Variants in KPNA3 observed in about 807,000 individuals in gnomAD.
KPNA3 encodes the protein karyopherin subunit alpha 3, also known as importin subunit alpha-4.
A neutral mutation model predicts 73.8 loss-of-function variants in KPNA3; 13 were observed. The ratio of observed to expected loss-of-function variants is 0.18; its 90% CI spans 0.11 to 0.28. The LOEUF (loss-of-function observed/expected upper bound fraction) is 0.28, where lower values mean the gene tolerates loss of function less well. Ranked by LOEUF, KPNA3 falls within the 10% of genes least tolerant of loss-of-function variation. The pLI is 1.00. For synonymous variants in KPNA3, 186 were observed against 206.9 expected (o/e 0.90, Z 0.87); for missense variants, 360 against 618.1 (o/e 0.58, Z 4.43).
intron 1 of KPNA3, among the ~76,000 whole-genome samples, chr13:49,751,372 C>T (rs750990607): frequency 2.6e-5 from 4 of 152,222 alleles, no homozygotes; most frequent in Non-Finnish European, 4.4e-5. Context: ...CCCAGCTCCA[C>T]GGCCACTATC....
At chr13:49,729,876 C>T (rs1268859039) in intron 6 of KPNA3, among the ~76,000 whole-genome samples, 1 of 152,104 alleles carries the variant, frequency 6.6e-6, no homozygotes, top group African/African-American at 2.4e-5. Context: ...CATTCCTTAC[C>T]ATCACCTAAT....
At chr13:49,751,312 C>T (rs989870390) in intron 1 of KPNA3, among the ~76,000 whole-genome samples, 1 of 152,176 alleles carries the variant, frequency 6.6e-6, no homozygotes, top group African/African-American at 2.4e-5. Flanking sequence ...TGTCTACTCA[C>T]TTTCAATCCT....
At chr13:49,778,182 C>T (rs1954912362) in intron 1 of KPNA3, among the ~76,000 whole-genome samples, 1 of 152,184 alleles carries the variant, frequency 6.6e-6, no homozygotes, top group East Asian at 1.9e-4. Context: ...CTAAAGCAGT[C>T]TCCTTACATA....
chr13:49,707,833 T>C (rs185837807), intron 12 of KPNA3, among the ~76,000 whole-genome samples: 2 of 152,120 alleles, frequency 1.3e-5, no homozygotes, highest in Non-Finnish European at 2.9e-5. Flanking sequence ...ACACCATACT[T>C]TTCTATAAGA....
At chr13:49,725,363 T>C in intron 7 of KPNA3, 53 bp downstream of exon 7, 1 of 992,186 alleles carries the variant, frequency 1.0e-6, no homozygotes, top group Non-Finnish European at 1.5e-6. Flanking sequence ...AAAACTCTAC[T>C]TCCTTGCCAT....
chr13:49,717,283 T>C (rs565723993), intron 10 of KPNA3, among the ~76,000 whole-genome samples: 6 of 152,064 alleles, frequency 3.9e-5, no homozygotes, highest in African/African-American at 1.4e-4. Context: ...TATAAAAAAT[T>C]AGCAGGGAGT....
At chr13:49,740,756 CCTAT>C (rs1037501341) in intron 2 of KPNA3, among the ~76,000 whole-genome samples, 11 of 152,234 alleles carry the variant, frequency 7.2e-5, no homozygotes, top group South Asian at 4.2e-4. Flanking sequence ...ACTTATCCCT[CCTAT>C]CTAACTGAAA....
At chr13:49,749,089 T>C (rs1245452609) in intron 1 of KPNA3, among the ~76,000 whole-genome samples, 2 of 152,358 alleles carry the variant, frequency 1.3e-5, no homozygotes, top group African/African-American at 2.4e-5. Flanking sequence ...TAAAAGATGA[T>C]GCATAACAAA....
At chr13:49,773,980 G>A (rs993125851) in intron 1 of KPNA3, among the ~76,000 whole-genome samples, 9 of 151,968 alleles carry the variant, frequency 5.9e-5, no homozygotes, top group Non-Finnish European at 7.4e-5. Context: ...ATCATGGCTC[G>A]CTGCAGCCTC....
intron 14 of KPNA3, 46 bp downstream of exon 14, chr13:49,706,052 C>T (rs769016823): frequency 8.0e-6 from 12 of 1,506,684 alleles, no homozygotes; most frequent in East Asian, 2.3e-5. Context: ...GAGCAGCATG[C>T]TTTCCAGTAT....
At position 49,722,379 on chromosome 13, in the gene KPNA3, C is replaced by T. The variant is rs139965104; in HGVS notation, c.556+98G>A. 2.9e-3 allele frequency: 2,320 copies of T among 792,056 alleles called. 4 individuals carry two copies. The highest frequency in any genetic ancestry group is 5.7e-3 in the Admixed American group (233 of 40,576). The allele number at this position is 792,056 out of a possible 1,614,324, so 49.1% of individuals were successfully genotyped here. A position where few individuals can be genotyped will look rare whatever the true frequency, so the allele number is the denominator to read the frequency against. ...TTATGAGGCAAGAAGAGAGTCAACA[C>T]ACATTAAATTCAGAGGAAACATAGT... On this transcript the variant is annotated intron_variant, in intron 8 of 16. Transcript: ENST00000261667.
intron 1 of KPNA3, among the ~76,000 whole-genome samples, chr13:49,777,426 C>T (rs756432748): frequency 5.9e-5 from 9 of 152,134 alleles, no homozygotes; most frequent in Non-Finnish European, 1.2e-4. Flanking sequence ...GCACTCCTCC[C>T]ACATATTTTA....
intron 2 of KPNA3, among the ~76,000 whole-genome samples, chr13:49,741,675 T>C (rs148441943): frequency 0.019 from 2,885 of 152,296 alleles, 72 homozygotes; most frequent in African/African-American, 0.065. Flanking sequence ...AGGATGGTCT[T>C]GATTTCCTGA....
chr13:49,721,972 T>C lies in KPNA3; in HGVS notation c.709A>G (p.Met237Val), dbSNP rs1954363679. 3.8e-6 allele frequency: 6 copies of C among 1,591,800 alleles called. No individual in the cohort carries two copies. Among genetic ancestry groups the C allele is most frequent in the Non-Finnish European group, 5.1e-6 (6 of 1,170,048 alleles). ...LCRNKDPPPP[M>V]ETVQEILPAL... is the part of the protein sequence containing the mutation. Reference sequence around the variant, plus strand: ...TCATTTACCTCCTGAACTGTCTCCATAGGCGGCGGGGGATCCTTATTCCTG... The same window carrying C: ...TCATTTACCTCCTGAACTGTCTCCACAGGCGGCGGGGGATCCTTATTCCTG... The change falls in exon 9 of 17, where the codon ATG becomes GTG. Residue 237 changes from methionine (M) to valine (V), a missense_variant. By Grantham distance (21) the Met-to-Val change is conservative. Coordinates refer to ENST00000261667, the MANE Select transcript of KPNA3 (RefSeq NM_002267.4).
intron 1 of KPNA3, among the ~76,000 whole-genome samples, chr13:49,789,112 C>G (rs1955010580): frequency 6.6e-6 from 1 of 152,160 alleles, no homozygotes; most frequent in Admixed American, 6.6e-5. Flanking sequence ...TTCCATTGCT[C>G]TAATCATGTT....
At chr13:49,731,705 C>T (rs2137553960) in intron 6 of KPNA3, among the ~76,000 whole-genome samples, 1 of 152,170 alleles carries the variant, frequency 6.6e-6, no homozygotes, top group Non-Finnish European at 1.5e-5. Context: ...GGAGTTCAAA[C>T]TTATATTCTC....
chr13:49,714,052 AG>A (rs1408330292), intron 10 of KPNA3, among the ~76,000 whole-genome samples: 1 of 152,246 alleles, frequency 6.6e-6, no homozygotes, highest in Admixed American at 6.5e-5. Context: ...GCCACACATC[AG>A]AATCTATGAC....
At chr13:49,724,910 T>C (rs1034730739) in intron 7 of KPNA3, among the ~76,000 whole-genome samples, 8 of 152,192 alleles carry the variant, frequency 5.3e-5, no homozygotes, top group African/African-American at 1.7e-4. Flanking sequence ...AGAATAGTAT[T>C]CTCAATACAT....
At chr13:49,768,567 ATTTTTTTTT>A (rs67753113) in intron 1 of KPNA3, among the ~76,000 whole-genome samples, 2 of 64,892 alleles carry the variant, frequency 3.1e-5, no homozygotes, top group African/African-American at 1.2e-4. Flanking sequence ...GGGTTAATCA[ATTTTTTTTT>A]TTTTTTTTTT....
Sources: gnomAD v4.1 joint callset for allele counts (sites outside exome capture counted in the v4.1 genomes callset) on GRCh38, gnomAD v4.1.1 for gene constraint, MANE v1.5 for transcripts, NCBI Gene and HGNC (gene_info 2026-07-23, HGNC 2026-07-21) for gene names.